The following CPS1 variants were observed in gnomAD, a reference collection of about 807,000 sequenced individuals.
CPS1 encodes the protein carbamoyl-phosphate synthase 1.
Under a neutral mutation model 174.6 loss-of-function variants are expected in CPS1, and 109 were observed. The observed-to-expected ratio is 0.62, with a 90% CI of 0.53 to 0.73. The LOEUF is 0.73. Among genes scored for constraint, CPS1 ranks in the 30% least tolerant of loss-of-function variants. The pLI, the probability that CPS1 is intolerant of heterozygous loss-of-function variation, is 0.00. For missense variants in CPS1, 1,689 were observed against 1,821.9 expected (o/e 0.93, Z 1.33); for synonymous variants, 637 against 632.0 (o/e 1.01, Z -0.12).
At position 210,642,592 on chromosome 2, in the gene CPS1, A is replaced by G; in HGVS notation, c.3068A>G (p.Asp1023Gly). 6.2e-7 allele frequency: 1 copy of G among 1,614,142 alleles called. No homozygotes were observed. The highest frequency in any genetic ancestry group is 1.3e-5 in the African/African-American group (1 of 75,052). The change falls in exon 25 of 38, where the codon GAC becomes GGC. Residue 1023 changes from aspartate (D) to glycine (G), a missense_variant. Physicochemically the swap from Asp to Gly is moderately conservative, Grantham distance 94. Transcript: ENST00000233072. ...TGCAATCCTGAGACTGTGAGCACAG[A>G]CTTTGATGAGTGTGACAAACTGTAC... Reference protein sequence around the residue: ...VNCNPETVSTDFDECDKLYFE... With the variant: ...VNCNPETVSTGFDECDKLYFE...
At chr2:210,540,159 C>G (rs1337978786) in intron 1 of CPS1, among the ~76,000 whole-genome samples, 2 of 152,180 alleles carry the variant, frequency 1.3e-5, no homozygotes, top group Non-Finnish European at 2.9e-5. Flanking sequence ...GAACTCCCCT[C>G]TCCCTGATTA....
At chr2:210,668,344 G>C (rs2105933275) in intron 34 of CPS1, 60 bp downstream of exon 34, 2 of 1,173,250 alleles carry the variant, frequency 1.7e-6, no homozygotes, top group Middle Eastern at 3.8e-4. Context: ...GGGAGGGGCA[G>C]GATAGAATGT....
At chr2:210,642,196 C>A (rs1379646179) in intron 24 of CPS1, among the ~76,000 whole-genome samples, 1 of 152,060 alleles carries the variant, frequency 6.6e-6, no homozygotes, top group Admixed American at 6.5e-5. Context: ...AAATTACCTC[C>A]CATTAACATT....
chr2:210,526,478 T>C (rs1369965770), intron 1 of CPS1, among the ~76,000 whole-genome samples: 1 of 151,964 alleles, frequency 6.6e-6, no homozygotes, highest in African/African-American at 2.4e-5. Context: ...GTTACTTAAC[T>C]CAGTTTTCTT....
At chr2:210,651,886 C>T (rs1321748311) in intron 28 of CPS1, among the ~76,000 whole-genome samples, 1 of 152,108 alleles carries the variant, frequency 6.6e-6, no homozygotes, top group African/African-American at 2.4e-5. Flanking sequence ...GAATTGTAAT[C>T]GTGAAAAGAA....
In CPS1 at chr2:210,673,867, C is replaced by T. The variant is rs192213709; in HGVS notation, c.4102-1035C>T. The T allele has an allele frequency of 5.3e-5, 8 of 151,968 alleles. No homozygotes were observed. The East Asian group carries it at 1.5e-3, about 29-fold the overall frequency. The allele number at this position is 151,968 out of a possible 1,614,324, so 9.4% of individuals were successfully genotyped here. ...TTGTTAAGTAAGATATTCAAGGTAA[C>T]ACAGTTTAATAAGGTGTGGAGCCTC... On this transcript the variant is annotated intron_variant, in intron 34 of 37. Transcript: ENST00000233072.
intron 34 of CPS1, 29 bp downstream of exon 34, chr2:210,668,313 C>A: frequency 7.2e-7 from 1 of 1,384,900 alleles, no homozygotes; most frequent in Non-Finnish European, 1.0e-6. Flanking sequence ...TGTGCTTGCC[C>A]ATGGTCATAC....
At chr2:210,607,706 T>C (rs1698967106) in intron 18 of CPS1, among the ~76,000 whole-genome samples, 1 of 151,934 alleles carries the variant, frequency 6.6e-6, no homozygotes, top group African/African-American at 2.4e-5. Flanking sequence ...TCATTGTCTT[T>C]ATCAGTTTCC....
chr2:210,480,852 G>A (rs1694550536), intron 1 of CPS1, among the ~76,000 whole-genome samples: 1 of 152,200 alleles, frequency 6.6e-6, no homozygotes. Context: ...TTAACACCCA[G>A]CTGGGACTGT....
intron 15 of CPS1, 122 bp from the exon 16 acceptor site, chr2:210,602,080 A>T (rs1158037792): frequency 1.4e-5 from 16 of 1,176,570 alleles, no homozygotes; most frequent in Admixed American, 2.0e-5. Context: ...GAATAATAGA[A>T]CATTTCTAGA....
chr2:210,596,942 AT>A (rs1460257217), intron 13 of CPS1, among the ~76,000 whole-genome samples: 3 of 151,636 alleles, frequency 2.0e-5, no homozygotes, highest in African/African-American at 4.8e-5. Context: ...AACTAAAAAA[AT>A]AATTGGTGCA....
chr2:210,579,079 T>G (rs1697814698), intron 4 of CPS1, among the ~76,000 whole-genome samples: 1 of 152,112 alleles, frequency 6.6e-6, no homozygotes, highest in African/African-American at 2.4e-5. Flanking sequence ...AGATAATTAG[T>G]GGAAGAAAAA....
chr2:210,676,386 G>A (rs1701537798), intron 36 of CPS1, among the ~76,000 whole-genome samples: 1 of 152,150 alleles, frequency 6.6e-6, no homozygotes, highest in Non-Finnish European at 1.5e-5. Context: ...GAATACCATT[G>A]CATCAACCCT....
intron 6 of CPS1, among the ~76,000 whole-genome samples, chr2:210,587,690 C>G (rs530639068): frequency 2.0e-4 from 30 of 152,128 alleles, no homozygotes; most frequent in African/African-American, 7.2e-4. Context: ...TATCTATTGC[C>G]ACATCTGTCT....
chr2:210,611,161 T>G (rs1253273756), intron 19 of CPS1, among the ~76,000 whole-genome samples: 1 of 151,950 alleles, frequency 6.6e-6, no homozygotes, highest in East Asian at 1.9e-4. Context: ...AAATTTTCCC[T>G]TATTTCTAAT....
chr2:210,482,449 C>T (rs1446426590), intron 1 of CPS1, among the ~76,000 whole-genome samples: 3 of 151,900 alleles, frequency 2.0e-5, no homozygotes, highest in Non-Finnish European at 2.9e-5. Flanking sequence ...ATTACAGACC[C>T]GTGCCACCAC....
At chr2:210,652,558 C>T (rs1700589623) in intron 28 of CPS1, among the ~76,000 whole-genome samples, 1 of 152,144 alleles carries the variant, frequency 6.6e-6, no homozygotes, top group Admixed American at 6.5e-5. Flanking sequence ...CCTGAGTTTT[C>T]TGCCTTGGAT....
intron 13 of CPS1, among the ~76,000 whole-genome samples, chr2:210,598,464 C>T (rs947449128): frequency 6.6e-6 from 1 of 151,572 alleles, no homozygotes; most frequent in Admixed American, 6.6e-5. Flanking sequence ...CTTCAAGATA[C>T]CCATCTCACA....
At chr2:210,481,717 G>A (rs1257435087) in intron 1 of CPS1, among the ~76,000 whole-genome samples, 1 of 152,220 alleles carries the variant, frequency 6.6e-6, no homozygotes, top group East Asian at 1.9e-4. Context: ...CACGTTATTT[G>A]TGCTTCATTT....
Sources: gnomAD v4.1 joint callset for allele counts (sites outside exome capture counted in the v4.1 genomes callset) on GRCh38, gnomAD v4.1.1 for gene constraint, MANE v1.5 for transcripts, NCBI Gene and HGNC (gene_info 2026-07-23, HGNC 2026-07-21) for gene names.